MAPKAPK2: variants seen among roughly 807,000 people sequenced by gnomAD.
The protein encoded by MAPKAPK2 is MAP kinase-activated protein kinase 2.
A neutral mutation model predicts 48.8 loss-of-function variants in MAPKAPK2; 9 were observed. The observed-to-expected ratio is 0.18, with a 90% CI of 0.11 to 0.32. The LOEUF is 0.32. MAPKAPK2 is among the 10% of genes least tolerant of loss of function. MAPKAPK2 has a pLI of 1.00. For synonymous variants in MAPKAPK2, 202 were observed against 190.6 expected (o/e 1.06, Z -0.49); for missense variants, 331 against 498.3 (o/e 0.66, Z 3.20).
intron 1 of MAPKAPK2, among the ~76,000 whole-genome samples, chr1:206,714,454 C>T (rs1389012202): frequency 6.6e-6 from 1 of 152,000 alleles, no homozygotes; most frequent in Non-Finnish European, 1.5e-5. Flanking sequence ...CTATTTGTCC[C>T]CTTCCCTTTA....
chr1:206,729,515 G>A, intron 4 of MAPKAPK2, 40 bp downstream of exon 4: 2 of 1,550,598 alleles, frequency 1.3e-6, no homozygotes, highest in Non-Finnish European at 1.8e-6. Flanking sequence ...GTGCTGTGGG[G>A]GGCAACAAAG....
rs1304642716 is a variant in MAPKAPK2, at chr1:206,685,021, G to A, written c.-209G>A. 3.1e-5 allele frequency: 5 copies of A among 160,084 alleles called. No individual in the cohort carries two copies. The highest frequency in any genetic ancestry group is 1.2e-4 in the African/African-American group (5 of 40,954). The allele number at this position is 160,084 out of a possible 1,614,324, so 9.9% of individuals were successfully genotyped here. A position where few individuals can be genotyped will look rare whatever the true frequency, so the allele number is the denominator to read the frequency against. On this transcript the variant is annotated 5_prime_UTR_variant, in exon 1 of 10. Transcript: ENST00000367103. Reference sequence around the variant, plus strand: ...CAGGCCCCCGGGGGGAGGGAGGGAGGGCGCCGGGCCGGTGGGAGCCAGCGG... The same window carrying A: ...CAGGCCCCCGGGGGGAGGGAGGGAGAGCGCCGGGCCGGTGGGAGCCAGCGG...
chr1:206,720,859 A>ACACTGAT (rs1553431112), intron 1 of MAPKAPK2, among the ~76,000 whole-genome samples: 2 of 152,226 alleles, frequency 1.3e-5, no homozygotes, highest in African/African-American at 4.8e-5. Flanking sequence ...ATGATACCTG[A>ACACTGAT]GAATCTAGTA....
At chr1:206,696,209 C>T (rs1672620895) in intron 1 of MAPKAPK2, 1 of 1,478,162 alleles carries the variant, frequency 6.8e-7, no homozygotes, top group Non-Finnish European at 9.5e-7. Context: ...CCTTCAGCCA[C>T]CTGAGGTCTG....
intron 1 of MAPKAPK2, among the ~76,000 whole-genome samples, chr1:206,706,507 C>T (rs1242758638): frequency 6.6e-6 from 1 of 152,178 alleles, no homozygotes; most frequent in Non-Finnish European, 1.5e-5. Context: ...CTCCCAGGCT[C>T]CAGGCTCTCT....
chr1:206,729,224 A>G (rs1673816634), intron 3 of MAPKAPK2, 125 bp downstream of exon 3: 4 of 1,187,004 alleles, frequency 3.4e-6, no homozygotes, highest in Non-Finnish European at 3.8e-6. Context: ...GCATGCTGCA[A>G]GGGGTGCCTC....
intron 1 of MAPKAPK2, among the ~76,000 whole-genome samples, chr1:206,692,476 C>T (rs143640332): frequency 3.3e-5 from 5 of 152,344 alleles, no homozygotes; most frequent in East Asian, 1.9e-4. Context: ...GCAGCTGTTT[C>T]AGCCCCGGAG....
intron 1 of MAPKAPK2, among the ~76,000 whole-genome samples, chr1:206,714,397 T>A (rs943456475): frequency 3.1e-4 from 47 of 152,278 alleles, no homozygotes; most frequent in African/African-American, 1.0e-3. Flanking sequence ...GTTCAGATTA[T>A]GATTTGTTCT....
At chr1:206,729,173 C>T (rs1401813376) in intron 3 of MAPKAPK2, 74 bp downstream of exon 3, 3 of 1,491,482 alleles carry the variant, frequency 2.0e-6, no homozygotes, top group Admixed American at 1.7e-5. Context: ...CTTTGCAGTG[C>T]CTGCTCTTGG....
In MAPKAPK2 at chr1:206,732,409, C is replaced by G. The variant is rs1259885843; in HGVS notation, c.1060-166C>G. 1 of 1,457,436 alleles carries G rather than the reference C, an allele frequency of 6.9e-7. No homozygotes were observed. Among genetic ancestry groups the G allele is most frequent in the Non-Finnish European group, 9.1e-7 (1 of 1,103,668 alleles). 90.3% of individuals were successfully genotyped at this position (1,457,436 alleles called of 1,614,324 possible). On this transcript the variant is annotated intron_variant, in intron 9 of 9. Coordinates refer to ENST00000367103, the MANE Select transcript of MAPKAPK2 (RefSeq NM_032960.4). The surrounding 1 kb of genome is among the most constrained non-coding windows in gnomAD (Gnocchi z 4.4). ...CTGCCCAGCGCTGGGGTGAGGCTGC[C>G]GTTGTCAGCGTGGACCACTAACCAG...
chr1:206,717,551 G>A (rs977158474), intron 1 of MAPKAPK2, among the ~76,000 whole-genome samples: 9 of 152,238 alleles, frequency 5.9e-5, no homozygotes, highest in Middle Eastern at 6.8e-3. Context: ...GCCTCTGCTC[G>A]CTCCTTATCA....
chr1:206,688,604 A>AT, intron 1 of MAPKAPK2, among the ~76,000 whole-genome samples: 1 of 152,016 alleles, frequency 6.6e-6, no homozygotes, highest in East Asian at 1.9e-4. Flanking sequence ...CTTACTTACT[A>AT]TTTTTTGTAC....
At chr1:206,702,385 G>A (rs1672824652) in intron 1 of MAPKAPK2, among the ~76,000 whole-genome samples, 1 of 152,204 alleles carries the variant, frequency 6.6e-6, no homozygotes, top group South Asian at 2.1e-4. Flanking sequence ...AAGGGCTCTA[G>A]GGAGATGCAG....
chr1:206,699,999 C>T (rs879971080), intron 1 of MAPKAPK2, among the ~76,000 whole-genome samples: 15 of 138,936 alleles, frequency 1.1e-4, no homozygotes, highest in South Asian at 2.3e-4. Flanking sequence ...CTTTCTTCTT[C>T]TTACTTTTTT....
At chr1:206,698,591 A>T (rs185543789) in intron 1 of MAPKAPK2, among the ~76,000 whole-genome samples, 14 of 152,362 alleles carry the variant, frequency 9.2e-5, no homozygotes, top group African/African-American at 3.1e-4. Context: ...CAGATTAATA[A>T]CAAGTCTTTA....
chr1:206,719,873 GT>G (rs1446226837), intron 1 of MAPKAPK2, among the ~76,000 whole-genome samples: 1 of 152,228 alleles, frequency 6.6e-6, no homozygotes, highest in Non-Finnish European at 1.5e-5. Flanking sequence ...ACAAATCACA[GT>G]GTATAATTAA....
At chr1:206,690,029 G>C (rs1553426073) in intron 1 of MAPKAPK2, among the ~76,000 whole-genome samples, 1 of 152,190 alleles carries the variant, frequency 6.6e-6, no homozygotes, top group Non-Finnish European at 1.5e-5. Flanking sequence ...AAGTCTGTGA[G>C]AGGTGTGGTG....
At chr1:206,719,129 T>C (rs1441312247) in intron 1 of MAPKAPK2, among the ~76,000 whole-genome samples, 1 of 152,258 alleles carries the variant, frequency 6.6e-6, no homozygotes, top group African/African-American at 2.4e-5. Context: ...TATATTAGGT[T>C]GTTGATCTTC....
chr1:206,732,036 A>G lies in MAPKAPK2; in HGVS notation c.1059+117A>G, dbSNP rs1356777465. On this transcript the variant is annotated intron_variant, in intron 9 of 9. Coordinates refer to ENST00000367103, the MANE Select transcript of MAPKAPK2 (RefSeq NM_032960.4). This position sits in a 1 kb window ranked among gnomAD's most constrained non-coding sequence, Gnocchi z 4.4. ...AGCTTGATTCTGCCTCTCTCATCCC[A>G]GGGGTGTCTTCATGACAAGAACAGC... 1.9e-6 allele frequency: 3 copies of G among 1,613,958 alleles called. No individual in the cohort carries two copies. The highest frequency in any genetic ancestry group is 4.5e-5 in the East Asian group (2 of 44,880).
Sources: gnomAD v4.1 joint callset for allele counts (sites outside exome capture counted in the v4.1 genomes callset) on GRCh38, gnomAD v4.1.1 for gene constraint, Gnocchi (gnomAD v3.1) non-coding constraint, MANE v1.5 for transcripts, NCBI Gene and HGNC (gene_info 2026-07-23, HGNC 2026-07-21) for gene names.